The following SH2B3 variants were observed in gnomAD, a reference collection of about 807,000 sequenced individuals.
SH2B3 encodes the protein SH2B adaptor protein 3.
In SH2B3, 43 loss-of-function variants were observed where a neutral mutation model predicts 51.9. The ratio of observed to expected loss-of-function variants is 0.83; its 90% CI spans 0.65 to 1.07. SH2B3 has a LOEUF of 1.07. Ranked by LOEUF, SH2B3 falls within the 50% of genes least tolerant of loss-of-function variation. The probability of loss-of-function intolerance (pLI) is 0.00; values close to 1 mark genes in which losing one functional copy is unlikely to be tolerated. For missense variants in SH2B3, 952 were observed against 834.3 expected (o/e 1.14, Z -1.74); for synonymous variants, 396 against 376.0 (o/e 1.05, Z -0.62).
chr12:111,447,315 CATCTT>C lies in SH2B3; in HGVS notation c.1022-10_1022-6del, dbSNP rs548854518. On this transcript the variant is annotated splice_polypyrimidine_tract_variant and intron_variant, in intron 5 of 7. Transcript: ENST00000341259. ...GTAGCCCCCTGCGACCACCATCACC[CATCTT>C]ATCTAACAGGTGCTTCTCCTGGGGG... The C allele has an allele frequency of 1.3e-3, 2,050 of 1,608,222 alleles. 15 individuals carry two copies. The highest frequency in any genetic ancestry group is 8.1e-4 in the Non-Finnish European group (950 of 1,174,716).
At chr12:111,427,429 T>A (rs1872104522) in intron 2 of SH2B3, among the ~76,000 whole-genome samples, 1 of 147,730 alleles carries the variant, frequency 6.8e-6, no homozygotes. Context: ...TCAGAGGATC[T>A]GGCGGTGCCA....
At chr12:111,411,393 G>C (rs1870684717) in intron 1 of SH2B3, among the ~76,000 whole-genome samples, 1 of 151,952 alleles carries the variant, frequency 6.6e-6, no homozygotes, top group Non-Finnish European at 1.5e-5. Context: ...AGCCTCAGCA[G>C]GGGAATTCCT....
intron 2 of SH2B3, among the ~76,000 whole-genome samples, chr12:111,422,665 A>G (rs1593043802): frequency 6.6e-6 from 1 of 151,322 alleles, no homozygotes; most frequent in East Asian, 2.0e-4. Flanking sequence ...GGTTCAAGTG[A>G]TTCTCCTGCC....
chr12:111,409,104 G>A lies in SH2B3; in HGVS notation c.-28+2827G>A, dbSNP rs934769827. Among the ~76,000 whole-genome samples the A allele has an allele frequency of 6.6e-6, 1 of 152,112 alleles. No homozygotes were observed. Among genetic ancestry groups the A allele is most frequent in the Non-Finnish European group, 1.5e-5 (1 of 68,030 alleles). ...ACCTGGCTTCTCTGATCTGGACCTCGCCTGCCCGATGGAAGCCAAGAGTTC... is the reference window on the plus strand; with the variant it reads ...ACCTGGCTTCTCTGATCTGGACCTCACCTGCCCGATGGAAGCCAAGAGTTC... On this transcript the variant is annotated intron_variant, in intron 1 of 7. Coordinates refer to ENST00000341259, the MANE Select transcript of SH2B3 (RefSeq NM_005475.3). The surrounding 1 kb of genome is among the most constrained non-coding windows in gnomAD (Gnocchi z 4.0).
rs1357286888 is a variant in SH2B3, at chr12:111,418,924, G to A, written c.732+47G>A. ...GGTTGCGCACTGCACTGCGCCCTTCGCCTTCACCCTGGGGAGAGCGCGGGC... is the reference window on the plus strand; with the variant it reads ...GGTTGCGCACTGCACTGCGCCCTTCACCTTCACCCTGGGGAGAGCGCGGGC... On this transcript the variant is annotated intron_variant, in intron 2 of 7. Coordinates refer to ENST00000341259, the MANE Select transcript of SH2B3 (RefSeq NM_005475.3). The surrounding 1 kb of genome is among the most constrained non-coding windows in gnomAD (Gnocchi z 6.7). 1 of 1,361,002 alleles carries A rather than the reference G, an allele frequency of 7.3e-7. No homozygotes were observed. The highest frequency in any genetic ancestry group is 9.4e-7 in the Non-Finnish European group (1 of 1,064,080). The allele number at this position is 1,361,002 out of a possible 1,614,324, so 84.3% of individuals were successfully genotyped here. A position where few individuals can be genotyped will look rare whatever the true frequency, so the allele number is the denominator to read the frequency against.
intron 2 of SH2B3, among the ~76,000 whole-genome samples, chr12:111,439,453 T>A (rs777361063): frequency 2.0e-5 from 3 of 151,794 alleles, no homozygotes; most frequent in Non-Finnish European, 4.4e-5. Context: ...CCTGGCCTAA[T>A]TTTTGTATTT....
rs559682212 is a variant in SH2B3, at chr12:111,406,583, G to C, written c.-28+306G>C. 1.3e-5 allele frequency among the ~76,000 whole-genome samples: 2 copies of C among 152,318 alleles called. No individual in the cohort carries two copies. The highest frequency in any genetic ancestry group is 4.8e-5 in the African/African-American group (2 of 41,574). On this transcript the variant is annotated intron_variant, in intron 1 of 7. Transcript: ENST00000341259. This position sits in a 1 kb window ranked among gnomAD's most constrained non-coding sequence, Gnocchi z 5.7. Reference sequence around the variant, plus strand: ...CACCCTACGGTAGCCTCGCCGGTTGGGGGCGGCCCTCCCCTCAACTTGTGC... The same window carrying C: ...CACCCTACGGTAGCCTCGCCGGTTGCGGGCGGCCCTCCCCTCAACTTGTGC...
At position 111,447,794 on chromosome 12, in the gene SH2B3, T is replaced by C; in HGVS notation, c.1375T>C (p.Ser459Pro). 6.2e-7 allele frequency: 1 copy of C among 1,614,122 alleles called. No individual in the cohort carries two copies. The highest frequency in any genetic ancestry group is 8.5e-7 in the Non-Finnish European group (1 of 1,180,004). The change falls in exon 7 of 8, where the codon TCC becomes CCC. Residue 459 changes from serine to proline, a missense_variant. Ser to Pro is a moderately conservative substitution (Grantham distance 74, BLOSUM62 -1). Coordinates refer to ENST00000341259, the MANE Select transcript of SH2B3 (RefSeq NM_005475.3). ...ECGAACDVRL[S>P]SYVVVVSQPP... ...CGGCGCCGCCTGTGATGTCCGGCTC[T>C]CCAGCTACGTGGTAGTCGTCTCCCA...
intron 2 of SH2B3, among the ~76,000 whole-genome samples, chr12:111,445,255 G>C (rs1873823856): frequency 6.6e-6 from 1 of 152,214 alleles, no homozygotes; most frequent in South Asian, 2.1e-4. Flanking sequence ...CTAGGGGGAA[G>C]GGTGGGGGCC....
chr12:111,431,935 C>T (rs752679857), intron 2 of SH2B3, among the ~76,000 whole-genome samples: 6 of 152,156 alleles, frequency 3.9e-5, no homozygotes, highest in African/African-American at 7.2e-5. Context: ...ACTTTGCCTC[C>T]GCCTCCAAAT....
chr12:111,417,399 G>T (rs1339445415), intron 1 of SH2B3, among the ~76,000 whole-genome samples: 2 of 152,224 alleles, frequency 1.3e-5, no homozygotes, highest in Non-Finnish European at 2.9e-5. Flanking sequence ...TAAAGGAAAA[G>T]TTGTCAACTT....
Position 111,410,468 on chromosome 12 carries a change from G to T in SH2B3, c.-28+4191G>T. ...AAGGAAGAAGCCACGGCCTTGGGAT[G>T]GGGGGCGTGCGGGATTCTGATGGTG... On this transcript the variant is annotated intron_variant, in intron 1 of 7. Coordinates refer to ENST00000341259, the MANE Select transcript of SH2B3 (RefSeq NM_005475.3). The surrounding 1 kb of genome is among the most constrained non-coding windows in gnomAD (Gnocchi z 4.9). Among the ~76,000 whole-genome samples, 1 of 152,164 alleles carries T rather than the reference G, an allele frequency of 6.6e-6. No homozygotes were observed. Among genetic ancestry groups the T allele is most frequent in the Middle Eastern group, 3.2e-3 (1 of 316 alleles).
intron 2 of SH2B3, among the ~76,000 whole-genome samples, chr12:111,433,226 C>T (rs1872619188): frequency 6.6e-6 from 1 of 152,118 alleles, no homozygotes; most frequent in South Asian, 2.1e-4. Context: ...TGGTGGATAC[C>T]TTTAATCCCA....
chr12:111,437,182 G>C (rs1872955531), intron 2 of SH2B3, among the ~76,000 whole-genome samples: 1 of 152,192 alleles, frequency 6.6e-6, no homozygotes, highest in African/African-American at 2.4e-5. Context: ...GTGCTTGGAG[G>C]GTTTACTGGG....
At position 111,418,398 on chromosome 12, in the gene SH2B3, C is replaced by T. The variant is rs758440429; in HGVS notation, c.253C>T (p.Pro85Ser). The T allele has an allele frequency of 7.4e-6, 11 of 1,495,938 alleles. No individual in the cohort carries two copies. The South Asian group carries it at 1.4e-4, about 19-fold the overall frequency. 92.7% of individuals were successfully genotyped at this position (1,495,938 alleles called of 1,614,324 possible). Residue 85 changes from proline to serine, a missense_variant, in exon 2 of 8, where the codon CCG (proline) becomes TCG (serine). By Grantham distance (74) the Pro-to-Ser change is moderately conservative. Transcript: ENST00000341259. The surrounding 1 kb of genome is among the most constrained non-coding windows in gnomAD (Gnocchi z 6.7). ...FCREVRDGRA[P>S]GRDYRDTGRG... ...CCGCGAGGTGCGCGACGGACGGGCG[C>T]CGGGCCGCGACTACCGGGACACAGG...
At position 111,450,899 on chromosome 12, in the gene SH2B3, C is replaced by T. The variant is rs1373349206; in HGVS notation, c.*2597C>T. Reference sequence around the variant, plus strand: ...CCACCATAGGCACAGCACATCCCACCACTCTCCTTCCAGTCCTGACCAGGC... The same window carrying T: ...CCACCATAGGCACAGCACATCCCACTACTCTCCTTCCAGTCCTGACCAGGC... On this transcript the variant is annotated 3_prime_UTR_variant, in exon 8 of 8. Coordinates refer to ENST00000341259, the MANE Select transcript of SH2B3 (RefSeq NM_005475.3). 2 of 152,478 alleles carry T rather than the reference C, an allele frequency of 1.3e-5. No individual in the cohort carries two copies. Among genetic ancestry groups the T allele is most frequent in the African/African-American group, 2.4e-5 (1 of 41,454 alleles). 9.4% of individuals were successfully genotyped at this position (152,478 alleles called of 1,614,324 possible).
rs749162977 is a variant in SH2B3 at position 111,451,442 on chromosome 12, A to C, written c.*3140A>C. On this transcript the variant is annotated 3_prime_UTR_variant, in exon 8 of 8. Coordinates refer to ENST00000341259, the MANE Select transcript of SH2B3 (RefSeq NM_005475.3). ...ATCTGACATCCTGTGTTTGGTTAGAATATACAGCACATTGTGATAACATAA... is the reference window on the plus strand; with the variant it reads ...ATCTGACATCCTGTGTTTGGTTAGACTATACAGCACATTGTGATAACATAA... 6.6e-6 allele frequency: 1 copy of C among 152,618 alleles called. No homozygotes were observed. Among genetic ancestry groups the C allele is most frequent in the Non-Finnish European group, 1.5e-5 (1 of 68,046 alleles). 9.5% of individuals were successfully genotyped at this position (152,618 alleles called of 1,614,324 possible).
chr12:111,420,367 C>CAA (rs59301682), intron 2 of SH2B3, among the ~76,000 whole-genome samples: 17,685 of 63,998 alleles, frequency 0.28, 3,046 homozygotes, highest in East Asian at 0.52. Context: ...GACCCTGTCT[C>CAA]AAAAAAAAAA....
At chr12:111,414,317 C>T (rs989663702) in intron 1 of SH2B3, among the ~76,000 whole-genome samples, 5 of 152,194 alleles carry the variant, frequency 3.3e-5, no homozygotes, top group Non-Finnish European at 7.3e-5. Flanking sequence ...TGTAGCAGGG[C>T]ACGGTGGCTC....
Sources: allele counts gnomAD v4.1 joint callset (sites outside exome capture counted in the v4.1 genomes callset), GRCh38; gene constraint gnomAD v4.1.1; non-coding constraint Gnocchi (gnomAD v3.1); transcripts MANE v1.5; gene names NCBI Gene and HGNC (gene_info 2026-07-23, HGNC 2026-07-21).